CHMP4B: variants seen among roughly 807,000 people sequenced by gnomAD.
CHMP4B encodes SNF7 homolog associated with Alix 1.
CHMP4B carries 1 observed loss-of-function variant against 25.1 expected under a neutral mutation model. That is an observed-to-expected ratio of 0.04 (90% confidence interval 0.01 to 0.19). The LOEUF (loss-of-function observed/expected upper bound fraction) is 0.19. CHMP4B is among the 10% of genes least tolerant of loss of function. The pLI, the probability that CHMP4B is intolerant of heterozygous loss-of-function variation, is 1.00. For synonymous variants in CHMP4B, 101 were observed against 115.6 expected, an observed-to-expected ratio of 0.87 and a Z score of 0.81; for missense variants, 151 against 289.7, an observed-to-expected ratio of 0.52 and a Z score of 3.48.
At chr20:33,811,767 TC>T in intron 1 of CHMP4B, 109 bp downstream of exon 1, 5 of 1,158,616 alleles carry the variant, frequency 4.3e-6, no homozygotes, top group Non-Finnish European at 6.3e-6. Flanking sequence ...ACCCTGGAAC[TC>T]TCCGGGTCAG....
chr20:33,843,008 C>T lies in CHMP4B; in HGVS notation c.191-5459C>T, dbSNP rs546299667. On this transcript the variant is annotated intron_variant, in intron 1 of 4. Transcript: ENST00000217402. ...GTCGTGTTTGACTAGGAGAAAGGAA[C>T]GTCCTGTCTAGTTGTATCGAACTGA... Among the ~76,000 whole-genome samples the T allele has an allele frequency of 3.5e-4, 53 of 152,316 alleles. No homozygotes were observed. The South Asian group carries it at 0.01, about 29-fold the overall frequency.
chr20:33,838,670 G>T (rs970455514), intron 1 of CHMP4B, among the ~76,000 whole-genome samples: 1 of 152,190 alleles, frequency 6.6e-6, no homozygotes, highest in Admixed American at 6.5e-5. Context: ...GTCTAGGAAA[G>T]AACTTTGGCC....
intron 2 of CHMP4B, among the ~76,000 whole-genome samples, chr20:33,850,485 T>C (rs1263659614): frequency 2.0e-5 from 3 of 152,222 alleles, no homozygotes; most frequent in Non-Finnish European, 4.4e-5. Flanking sequence ...AAATTCTGCA[T>C]ATTTGCGGAA....
chr20:33,835,600 C>A (rs537012466), intron 1 of CHMP4B, among the ~76,000 whole-genome samples: 6 of 152,298 alleles, frequency 3.9e-5, no homozygotes, highest in Admixed American at 1.3e-4. Flanking sequence ...AGTGTCTGAT[C>A]TGCTGTTCAT....
chr20:33,852,835 C>T (rs768419759), intron 4 of CHMP4B, among the ~76,000 whole-genome samples: 7 of 152,182 alleles, frequency 4.6e-5, no homozygotes, highest in Non-Finnish European at 1.0e-4. Flanking sequence ...CTTTAGAGAC[C>T]TGATTCTATA....
chr20:33,837,097 G>A (rs1245480655), intron 1 of CHMP4B, among the ~76,000 whole-genome samples: 1 of 152,146 alleles, frequency 6.6e-6, no homozygotes, highest in African/African-American at 2.4e-5. Flanking sequence ...AAAATACGAG[G>A]CTCAGAACAG....
At chr20:33,827,180 T>A (rs1399585516) in intron 1 of CHMP4B, among the ~76,000 whole-genome samples, 1 of 152,180 alleles carries the variant, frequency 6.6e-6, no homozygotes, top group African/African-American at 2.4e-5. Context: ...CCCTAAGACT[T>A]TGAGACGCTG....
At chr20:33,840,145 C>T (rs939281283) in intron 1 of CHMP4B, among the ~76,000 whole-genome samples, 1 of 151,878 alleles carries the variant, frequency 6.6e-6, no homozygotes, top group African/African-American at 2.4e-5. Context: ...CCTTGGGAGG[C>T]TGAGGCAGGA....
chr20:33,819,216 T>A (rs994433488), intron 1 of CHMP4B, among the ~76,000 whole-genome samples: 1 of 152,178 alleles, frequency 6.6e-6, no homozygotes, highest in African/African-American at 2.4e-5. Flanking sequence ...CCGGCCAGTG[T>A]TGCTCTTAAG....
At chr20:33,826,658 C>A (rs1979103286) in intron 1 of CHMP4B, among the ~76,000 whole-genome samples, 2 of 152,116 alleles carry the variant, frequency 1.3e-5, no homozygotes. Flanking sequence ...GTCCATCGGT[C>A]ACTACCCTTT....
At chr20:33,851,160 T>C (rs979769840) in intron 3 of CHMP4B, 94 bp downstream of exon 3, 4 of 819,810 alleles carry the variant, frequency 4.9e-6, no homozygotes, top group Non-Finnish European at 8.6e-6. Context: ...CAGGGAGCAT[T>C]TGGACTTGGA....
intron 1 of CHMP4B, among the ~76,000 whole-genome samples, chr20:33,843,693 C>A (rs564503993): frequency 6.6e-6 from 1 of 152,156 alleles, no homozygotes; most frequent in Non-Finnish European, 1.5e-5. Flanking sequence ...TAATAGTATT[C>A]AAGAAGAATG....
intron 4 of CHMP4B, 54 bp downstream of exon 4, chr20:33,852,257 G>C (rs1426371688): frequency 4.3e-6 from 7 of 1,609,890 alleles, no homozygotes; most frequent in Non-Finnish European, 5.9e-6. Context: ...AGGTGATCTT[G>C]TGGTCGGTTG....
Position 33,853,679 on chromosome 20 carries a change from A to T in CHMP4B, c.*119A>T. 1.4e-6 allele frequency: 1 copy of T among 720,742 alleles called. No homozygotes were observed. The highest frequency in any genetic ancestry group is 2.3e-6 in the Non-Finnish European group (1 of 432,012). 44.6% of individuals were successfully genotyped at this position (720,742 alleles called of 1,614,324 possible). On this transcript the variant is annotated 3_prime_UTR_variant, in exon 5 of 5. Transcript: ENST00000217402. ...GCAGGTTCCATCGCTTTCGACTCTC[A>T]CTCCAAAGCAGTAGGGCCGCGTTGC...
intron 1 of CHMP4B, among the ~76,000 whole-genome samples, chr20:33,818,610 A>G (rs536993462): frequency 3.9e-5 from 6 of 152,358 alleles, no homozygotes; most frequent in African/African-American, 1.4e-4. Flanking sequence ...ATAGGGAAGC[A>G]GCCTGGGCTG....
chr20:33,817,777 T>C (rs1978822181), intron 1 of CHMP4B, among the ~76,000 whole-genome samples: 2 of 152,206 alleles, frequency 1.3e-5, no homozygotes. Flanking sequence ...ACAACTTTAG[T>C]TGGTCATTTT....
chr20:33,834,488 T>G (rs180748736), intron 1 of CHMP4B, among the ~76,000 whole-genome samples: 1 of 152,060 alleles, frequency 6.6e-6, no homozygotes, highest in Non-Finnish European at 1.5e-5. Flanking sequence ...TTGAAAAAAA[T>G]TTTTAATAGA....
At chr20:33,815,808 T>C (rs1978768438) in intron 1 of CHMP4B, among the ~76,000 whole-genome samples, 2 of 152,210 alleles carry the variant, frequency 1.3e-5, no homozygotes, top group Admixed American at 6.5e-5. Flanking sequence ...TTCTGTTGAC[T>C]GTGGGCATCT....
At position 33,848,059 on chromosome 20, in the gene CHMP4B, G is replaced by A. The variant is rs572218857; in HGVS notation, c.191-408G>A. Among the ~76,000 whole-genome samples the A allele has an allele frequency of 2.0e-5, 3 of 151,832 alleles. No homozygotes were observed. The East Asian group carries it at 5.9e-4, about 30-fold the overall frequency. On this transcript the variant is annotated intron_variant, in intron 1 of 4. Transcript: ENST00000217402. ...TTGAGAGGCATACACACTGATGAATGTGCCAGGTGTTTACATACAGTATGT... is the reference window on the plus strand; with the variant it reads ...TTGAGAGGCATACACACTGATGAATATGCCAGGTGTTTACATACAGTATGT...
Sources: allele counts gnomAD v4.1 joint callset (sites outside exome capture counted in the v4.1 genomes callset), GRCh38; gene constraint gnomAD v4.1.1; transcripts MANE v1.5; gene names NCBI Gene and HGNC (gene_info 2026-07-23, HGNC 2026-07-21).